The following CFAP299 variants were observed in gnomAD, a reference collection of about 807,000 sequenced individuals.
CFAP299 encodes the protein cilia- and flagella-associated protein 299.
In CFAP299, 21 loss-of-function variants were observed where a neutral mutation model predicts 27.0. That is an observed-to-expected ratio of 0.78 (90% CI 0.55 to 1.12). CFAP299 has a LOEUF of 1.12. Among genes scored for constraint, CFAP299 ranks in the 50% most tolerant of loss-of-function variants. The probability of loss-of-function intolerance (pLI) is 0.00; values close to 1 mark genes in which losing one functional copy is unlikely to be tolerated. For missense variants in CFAP299, 310 were observed against 276.6 expected (o/e 1.12, Z -0.86); for synonymous variants, 104 against 98.1 (o/e 1.06, Z -0.36).
rs544175003 is a variant in CFAP299, at chr4:80,806,004, AAAT to A, written c.334-63982_334-63980del. ...GGATTATAGGAATTAATAACATGTA[AAAT>A]AATAATGACTTAGCTATAAGAAAGA... On this transcript the variant is annotated intron_variant, in intron 3 of 5. Coordinates refer to ENST00000358105, the MANE Select transcript of CFAP299 (RefSeq NM_152770.3). Among the ~76,000 whole-genome samples the A allele has an allele frequency of 2.4e-3, 367 of 152,336 alleles. 4 individuals carry two copies. Among genetic ancestry groups the A allele is most frequent in the African/African-American group, 8.2e-3 (341 of 41,592 alleles).
chr4:80,945,114 A>T (rs1042576999), intron 5 of CFAP299, among the ~76,000 whole-genome samples, 175 bp downstream of exon 5: 1 of 152,242 alleles, frequency 6.6e-6, no homozygotes, highest in Non-Finnish European at 1.5e-5. Context: ...ATAGCTTCAT[A>T]AATTATTAGA....
chr4:80,649,152 A>G (rs1337390324), intron 3 of CFAP299: 1 of 152,264 alleles, frequency 6.6e-6, no homozygotes, highest in Non-Finnish European at 1.5e-5. Context: ...AGCAGAAAGT[A>G]TTACAGAGGG....
chr4:80,874,440 C>T (rs1733268319), intron 4 of CFAP299, among the ~76,000 whole-genome samples: 1 of 152,122 alleles, frequency 6.6e-6, no homozygotes, highest in Non-Finnish European at 1.5e-5. Context: ...TTTCCATATG[C>T]TTATTTGTCT....
intron 2 of CFAP299, among the ~76,000 whole-genome samples, chr4:80,443,699 A>G (rs978200921): frequency 3.3e-5 from 5 of 152,188 alleles, no homozygotes; most frequent in African/African-American, 9.7e-5. Context: ...GGCAAGAGAA[A>G]GAAATAAAGG....
intron 1 of CFAP299, among the ~76,000 whole-genome samples, chr4:80,344,179 A>T (rs1391922138): frequency 6.6e-6 from 1 of 152,138 alleles, no homozygotes; most frequent in African/African-American, 2.4e-5. Flanking sequence ...AAACATGAAC[A>T]ACTCTTCAAA....
intron 3 of CFAP299, among the ~76,000 whole-genome samples, chr4:80,830,341 A>AAT (rs1730231794): frequency 6.6e-6 from 1 of 152,080 alleles, no homozygotes; most frequent in African/African-American, 2.4e-5. Context: ...TCCATAGAAA[A>AAT]ATATTTAAGG....
intron 4 of CFAP299, among the ~76,000 whole-genome samples, chr4:80,900,738 TA>T (rs1734846664): frequency 6.6e-6 from 1 of 151,906 alleles, no homozygotes; most frequent in Non-Finnish European, 1.5e-5. Flanking sequence ...TAGGATTCAA[TA>T]AATAGTTATT....
intron 3 of CFAP299, among the ~76,000 whole-genome samples, chr4:80,710,476 T>G (rs1050367769): frequency 7.5e-6 from 1 of 133,340 alleles, no homozygotes; most frequent in African/African-American, 2.7e-5. Flanking sequence ...GCTTTCTTTT[T>G]CTTTTTCTTT....
chr4:80,705,229 C>T (rs892192433), intron 3 of CFAP299, among the ~76,000 whole-genome samples: 1 of 151,676 alleles, frequency 6.6e-6, no homozygotes, highest in Non-Finnish European at 1.5e-5. Context: ...ACAAAATGCC[C>T]CTGAGCAATT....
chr4:80,843,640 C>G (rs1730993033), intron 3 of CFAP299, among the ~76,000 whole-genome samples: 1 of 152,080 alleles, frequency 6.6e-6, no homozygotes, highest in Non-Finnish European at 1.5e-5. Flanking sequence ...TTCTAGATCC[C>G]TGAGGAATCG....
At chr4:80,360,938 G>A (rs1723514029) in intron 1 of CFAP299, among the ~76,000 whole-genome samples, 1 of 152,158 alleles carries the variant, frequency 6.6e-6, no homozygotes, top group South Asian at 2.1e-4. Context: ...GAATATGCAA[G>A]TCAAGATTCC....
chr4:80,493,765 T>C (rs1419925996), intron 2 of CFAP299, among the ~76,000 whole-genome samples: 12 of 114,840 alleles, frequency 1.0e-4, no homozygotes, highest in Admixed American at 8.0e-4. Flanking sequence ...TATTCTTTTT[T>C]TTTTTTTTTT....
At chr4:80,439,578 C>T (rs1353122250) in intron 2 of CFAP299, among the ~76,000 whole-genome samples, 3 of 152,228 alleles carry the variant, frequency 2.0e-5, no homozygotes, top group Admixed American at 6.5e-5. Context: ...CGGGTGCCTA[C>T]AATACCAGGG....
intron 2 of CFAP299, among the ~76,000 whole-genome samples, chr4:80,406,207 G>A (rs1726410310): frequency 6.6e-6 from 1 of 152,130 alleles, no homozygotes; most frequent in Non-Finnish European, 1.5e-5. Flanking sequence ...TGTCAAACTA[G>A]TATGTGATGG....
intron 4 of CFAP299, among the ~76,000 whole-genome samples, chr4:80,935,092 A>AT (rs1040274805): frequency 6.6e-6 from 1 of 151,684 alleles, no homozygotes; most frequent in African/African-American, 2.4e-5. Context: ...ATCTCAATGT[A>AT]TTTTTTTATT....
At chr4:80,388,673 T>C (rs1447948086) in intron 2 of CFAP299, 2 of 1,049,020 alleles carry the variant, frequency 1.9e-6, no homozygotes, top group Non-Finnish European at 3.0e-6. Flanking sequence ...TAGAATGGTC[T>C]GGTTGTCCAT....
chr4:80,895,648 G>A (rs968277034), intron 4 of CFAP299, among the ~76,000 whole-genome samples: 1 of 151,954 alleles, frequency 6.6e-6, no homozygotes, highest in Non-Finnish European at 1.5e-5. Context: ...ATAAAAATGT[G>A]TACCAATGAT....
chr4:80,500,302 A>G (rs994440228), intron 2 of CFAP299, among the ~76,000 whole-genome samples: 4 of 152,126 alleles, frequency 2.6e-5, no homozygotes, highest in African/African-American at 9.6e-5. Context: ...GGCATCTGCC[A>G]TTCCATGGAA....
intron 2 of CFAP299, among the ~76,000 whole-genome samples, chr4:80,363,304 G>A (rs1315512259): frequency 6.6e-6 from 1 of 151,650 alleles, no homozygotes; most frequent in Non-Finnish European, 1.5e-5. Context: ...ACTAACTTTT[G>A]TTTATATGCC....
Sources: gnomAD v4.1 joint callset for allele counts (sites outside exome capture counted in the v4.1 genomes callset) on GRCh38, gnomAD v4.1.1 for gene constraint, MANE v1.5 for transcripts, NCBI Gene and HGNC (gene_info 2026-07-23, HGNC 2026-07-21) for gene names.